The following ERBB4 variants were observed in gnomAD, a reference collection of about 807,000 sequenced individuals.
ERBB4 encodes receptor tyrosine-protein kinase erbB-4.
In ERBB4, 42 loss-of-function variants were observed where a neutral mutation model predicts 158.0. The observed-to-expected ratio is 0.27, with a 90% confidence interval of 0.21 to 0.34. The LOEUF is 0.34. Among genes scored for constraint, ERBB4 ranks in the 10% least tolerant of loss-of-function variants. ERBB4 has a pLI of 1.00. For missense variants in ERBB4, 1,333 were observed against 1,624.1 expected (o/e 0.82, Z 3.08); for synonymous variants, 583 against 558.7 (o/e 1.04, Z -0.61).
At chr2:212,388,256 G>A (rs1194533704) in intron 1 of ERBB4, among the ~76,000 whole-genome samples, 1 of 152,130 alleles carries the variant, frequency 6.6e-6, no homozygotes, top group Non-Finnish European at 1.5e-5. Context: ...TAACTCAGAA[G>A]TACTAATAGG....
At chr2:211,718,743 G>A (rs181006312) in intron 7 of ERBB4, among the ~76,000 whole-genome samples, 5 of 151,708 alleles carry the variant, frequency 3.3e-5, no homozygotes, top group Admixed American at 1.3e-4. Context: ...AAAAAAACAT[G>A]GTATACCACT....
chr2:211,421,768 T>C (rs1440077351), intron 24 of ERBB4, among the ~76,000 whole-genome samples: 1 of 151,956 alleles, frequency 6.6e-6, no homozygotes, highest in Non-Finnish European at 1.5e-5. Context: ...TTTATGTATA[T>C]GTATAATCAT....
At chr2:212,417,881 T>A (rs2091694029) in intron 1 of ERBB4, among the ~76,000 whole-genome samples, 2 of 152,106 alleles carry the variant, frequency 1.3e-5, no homozygotes, top group Admixed American at 1.3e-4. Context: ...AAGCTCTAAC[T>A]CCCATGGGAT....
chr2:212,242,784 G>A (rs1011150960), intron 1 of ERBB4, among the ~76,000 whole-genome samples: 3 of 152,094 alleles, frequency 2.0e-5, no homozygotes, highest in Non-Finnish European at 4.4e-5. Flanking sequence ...TTTAAATTGT[G>A]GCACTACAAT....
At chr2:211,574,950 T>C (rs2067845992) in intron 19 of ERBB4, among the ~76,000 whole-genome samples, 1 of 152,232 alleles carries the variant, frequency 6.6e-6, no homozygotes, top group Non-Finnish European at 1.5e-5. Context: ...CACAATGCTA[T>C]TGATTTACAC....
intron 2 of ERBB4, among the ~76,000 whole-genome samples, chr2:212,027,639 ACT>A (rs1208673282): frequency 9.6e-6 from 1 of 104,298 alleles, no homozygotes; most frequent in African/African-American, 3.0e-5. Context: ...TCTGTTGATC[ACT>A]GTTTCCATTT....
At chr2:212,506,992 C>T (rs1691228323) in intron 1 of ERBB4, among the ~76,000 whole-genome samples, 1 of 152,164 alleles carries the variant, frequency 6.6e-6, no homozygotes, top group Admixed American at 6.5e-5. Context: ...TTTCAAAGGA[C>T]AGGCTGACTG....
chr2:211,961,191 G>A (rs1170416284), intron 2 of ERBB4, among the ~76,000 whole-genome samples: 2 of 151,608 alleles, frequency 1.3e-5, no homozygotes, highest in Non-Finnish European at 2.9e-5. Context: ...AAAATGATGG[G>A]AGACAGTTCT....
intron 1 of ERBB4, among the ~76,000 whole-genome samples, chr2:212,435,239 C>T (rs2092112555): frequency 6.6e-6 from 1 of 151,866 alleles, no homozygotes; most frequent in South Asian, 2.1e-4. Context: ...CTACCTAATC[C>T]CCAGGAGAAA....
chr2:211,795,213 G>C (rs1173021082), intron 3 of ERBB4, among the ~76,000 whole-genome samples: 1 of 151,744 alleles, frequency 6.6e-6, no homozygotes, highest in South Asian at 2.1e-4. Flanking sequence ...TCACGGCTTT[G>C]AATTGTAAAG....
intron 1 of ERBB4, among the ~76,000 whole-genome samples, chr2:212,340,586 A>G (rs1328575361): frequency 1.3e-5 from 2 of 152,160 alleles, no homozygotes; most frequent in African/African-American, 2.4e-5. Context: ...CGCAGTTCAC[A>G]AAAGGGTTTG....
chr2:211,832,708 G>C (rs1386973730), intron 3 of ERBB4, among the ~76,000 whole-genome samples: 2 of 151,196 alleles, frequency 1.3e-5, no homozygotes, highest in Non-Finnish European at 2.9e-5. Flanking sequence ...AAAGGGGCTG[G>C]CATGTAAAGT....
chr2:211,705,243 T>TGC, intron 10 of ERBB4, 75 bp downstream of exon 10: 2 of 1,018,966 alleles, frequency 2.0e-6, no homozygotes, highest in African/African-American at 1.8e-5. Flanking sequence ...TGAGCCACGA[T>TGC]GCCCAGTCAA....
intron 1 of ERBB4, among the ~76,000 whole-genome samples, chr2:212,310,718 T>C (rs1450185670): frequency 6.6e-6 from 1 of 150,400 alleles, no homozygotes; most frequent in East Asian, 2.0e-4. Context: ...GAAAAATATT[T>C]TATTTTCCAA....
At chr2:212,474,066 T>G (rs1056027290) in intron 1 of ERBB4, among the ~76,000 whole-genome samples, 5 of 152,128 alleles carry the variant, frequency 3.3e-5, no homozygotes, top group Non-Finnish European at 7.4e-5. Flanking sequence ...ATAAAATAGA[T>G]AACGAACACT....
At chr2:211,592,570 A>G (rs2068506078) in intron 19 of ERBB4, among the ~76,000 whole-genome samples, 1 of 152,210 alleles carries the variant, frequency 6.6e-6, no homozygotes, top group South Asian at 2.1e-4. Flanking sequence ...TAAAACTGAA[A>G]GACAAAGAGG....
At chr2:211,488,775 A>T (rs923432087) in intron 20 of ERBB4, among the ~76,000 whole-genome samples, 2 of 152,086 alleles carry the variant, frequency 1.3e-5, no homozygotes, top group African/African-American at 4.8e-5. Flanking sequence ...TTTCCTGTAG[A>T]AGTAAACTAT....
At chr2:212,354,267 G>A (rs2089377943) in intron 1 of ERBB4, among the ~76,000 whole-genome samples, 1 of 152,056 alleles carries the variant, frequency 6.6e-6, no homozygotes, top group South Asian at 2.1e-4. Context: ...GTCAGGAGCT[G>A]GCAGCAAGTT....
At chr2:211,673,989 C>T (rs1476134940) in intron 13 of ERBB4, among the ~76,000 whole-genome samples, 2 of 152,064 alleles carry the variant, frequency 1.3e-5, no homozygotes, top group Admixed American at 6.6e-5. Context: ...TCATCCCTTC[C>T]TATATCCTTA....
Sources: allele counts gnomAD v4.1 joint callset (sites outside exome capture counted in the v4.1 genomes callset), GRCh38; gene constraint gnomAD v4.1.1; transcripts MANE v1.5; gene names NCBI Gene and HGNC (gene_info 2026-07-23, HGNC 2026-07-21).